The following ZNF333 variants were observed in gnomAD, a reference collection of about 807,000 sequenced individuals.
ZNF333 encodes the protein zinc finger protein 333.
ZNF333 carries 61 observed loss-of-function variants against 76.1 expected under a neutral mutation model. That is an observed-to-expected ratio of 0.80 (90% CI 0.65 to 0.99). ZNF333 has a LOEUF of 0.99. Among genes scored for constraint, ZNF333 ranks in the 50% least tolerant of loss-of-function variants. ZNF333 has a pLI of 0.00. For missense variants in ZNF333, 717 were observed against 822.4 expected (o/e 0.87, Z 1.57); for synonymous variants, 284 against 305.0 (o/e 0.93, Z 0.72).
At position 14,718,289 on chromosome 19, in the gene ZNF333, G is replaced by T. The variant is rs779488429; in HGVS notation, c.962G>T (p.Ser321Ile). ...KYNELEKPFN[S>I]IEPLFQYQRI... Reference sequence around the variant, plus strand: ...AATGAACTTGAGAAACCTTTTAACAGCATTGAACCACTTTTCCAGTACCAG... The same window carrying T: ...AATGAACTTGAGAAACCTTTTAACATCATTGAACCACTTTTCCAGTACCAG... The change falls in exon 12 of 12, where the codon AGC becomes ATC. Residue 321 changes from serine (S) to isoleucine (I), a missense_variant. Physicochemically the swap from Ser to Ile is moderately radical, Grantham distance 142. Transcript: ENST00000292530. The T allele has an allele frequency of 6.2e-7, 1 of 1,614,112 alleles. No homozygotes were observed. Among genetic ancestry groups the T allele is most frequent in the South Asian group, 1.1e-5 (1 of 91,084 alleles).
rs992097246 is a variant in ZNF333 at position 14,719,898 on chromosome 19, T to G, written c.*573T>G. The G allele has an allele frequency of 1.5e-5, 15 of 985,386 alleles. No individual in the cohort carries two copies. The highest frequency in any genetic ancestry group is 1.8e-5 in the Non-Finnish European group (15 of 830,110). The allele number at this position is 985,386 out of a possible 1,614,324, so 61.0% of individuals were successfully genotyped here. On this transcript the variant is annotated 3_prime_UTR_variant, in exon 12 of 12. Coordinates refer to ENST00000292530, the MANE Select transcript of ZNF333 (RefSeq NM_032433.4). ...AGTGTGCACTATTAAAAAGCTTCCA[T>G]CTCCCGGCTGGGCACGGTGGCTCAT...
At position 14,726,975 on chromosome 19, in the gene ZNF333, G is replaced by A. The variant is rs572233627; in HGVS notation, c.901-4200G>A. Among the ~76,000 whole-genome samples, 18 of 148,644 alleles carry A rather than the reference G, an allele frequency of 1.2e-4. No homozygotes were observed. In the South Asian group the frequency reaches 1.7e-3, roughly 14 times the overall value. On this transcript the variant is annotated intron_variant, in intron 11 of 11. Transcript: ENST00000540689. ...ATTTTCTGTATTAGCCTGTTCTTGC[G>A]TTGCTATAAAGGAATACCTGAGGCT...
Position 14,706,774 on chromosome 19 carries a change from G to A in ZNF333, c.511+1G>A, listed in dbSNP as rs201598326. 146 of 1,612,712 alleles carry A rather than the reference G, an allele frequency of 9.1e-5. No homozygotes were observed. Among genetic ancestry groups the A allele is most frequent in the Non-Finnish European group, 1.2e-4 (137 of 1,179,706 alleles). The stretch of plus-strand genomic sequence containing the variant: ...AACCCATGGGTGGCCAGGGATTCTG[G>A]TGAGTGAGTGCTGCGTGGAACACGT... On this transcript the variant is annotated splice_donor_variant, in intron 7 of 11. Coordinates refer to ENST00000292530, the MANE Select transcript of ZNF333 (RefSeq NM_032433.4). LOFTEE classifies it high-confidence loss of function.
intron 7 of ZNF333, among the ~76,000 whole-genome samples, chr19:14,713,738 G>A (rs1054177251): frequency 3.3e-5 from 5 of 152,038 alleles, no homozygotes; most frequent in East Asian, 1.9e-4. Flanking sequence ...TGGGAGGATC[G>A]CTTGAGGCTA....
At position 14,718,436 on chromosome 19, in the gene ZNF333, A is replaced by G. The variant is rs753335220; in HGVS notation, c.1109A>G (p.Lys370Arg). 4 of 1,614,106 alleles carry G rather than the reference A, an allele frequency of 2.5e-6. No individual in the cohort carries two copies. Among genetic ancestry groups the G allele is most frequent in the Non-Finnish European group, 3.4e-6 (4 of 1,180,060 alleles). Residue 370 changes from lysine to arginine, a missense_variant, in exon 12 of 12, where the codon AAA (lysine) becomes AGA (arginine). Physicochemically the swap from Lys to Arg is conservative, Grantham distance 26. Coordinates refer to ENST00000292530, the MANE Select transcript of ZNF333 (RefSeq NM_032433.4). ...GGGGATAAATCCTATGCATGTAACA[A>G]ATGTGAAAAATCCTTCAGATACAGC... ...RSGDKSYACN[K>R]CEKSFRYSSD...
chr19:14,702,931 G>A (rs984347816), intron 5 of ZNF333, among the ~76,000 whole-genome samples: 5 of 152,122 alleles, frequency 3.3e-5, no homozygotes, highest in South Asian at 2.1e-4. Context: ...GTGGCCGGGC[G>A]TGGTGGCTCA....
chr19:14,698,935 T>TAGATAGATAGATAGATATATATAC (rs1180611568), intron 4 of ZNF333, among the ~76,000 whole-genome samples: 1 of 139,332 alleles, frequency 7.2e-6, no homozygotes, highest in African/African-American at 2.8e-5. Context: ...TATATATATA[T>TAGATAGATAGATAGATATATATAC]ACACACATAT....
chr19:14,716,451 G>C (rs1221626009), intron 9 of ZNF333, among the ~76,000 whole-genome samples: 7 of 152,038 alleles, frequency 4.6e-5, no homozygotes, highest in Non-Finnish European at 7.4e-5. Context: ...TAGAGATGGA[G>C]TTTTGCCATG....
chr19:14,704,945 A>G (rs1366298308), intron 5 of ZNF333, 109 bp from the exon 6 acceptor site: 7 of 1,009,786 alleles, frequency 6.9e-6, no homozygotes, highest in Non-Finnish European at 8.9e-6. Flanking sequence ...ACCCATCCCC[A>G]TTTGCCTTGA....
At chr19:14,699,463 G>A (rs929821948) in intron 5 of ZNF333, 182 bp downstream of exon 5, 5 of 540,494 alleles carry the variant, frequency 9.3e-6, no homozygotes, top group Non-Finnish European at 1.3e-5. Flanking sequence ...TGTTGCTCAA[G>A]ACTTTTTTTT....
intron 11 of ZNF333, among the ~76,000 whole-genome samples, chr19:14,727,496 C>T (rs766502891): frequency 2.0e-5 from 3 of 152,120 alleles, no homozygotes; most frequent in Non-Finnish European, 2.9e-5. Flanking sequence ...AGAGTAGAGA[C>T]GTTCCATACT....
At chr19:14,715,212 C>G (rs185249297) in intron 7 of ZNF333, 170 bp from the exon 8 acceptor site, 4 of 589,868 alleles carry the variant, frequency 6.8e-6, no homozygotes, top group Non-Finnish European at 1.2e-5. Context: ...TGCATGCATG[C>G]GTGTGCAAGA....
chr19:14,712,225 GTTTT>G (rs113959603), intron 7 of ZNF333, among the ~76,000 whole-genome samples: 4 of 143,956 alleles, frequency 2.8e-5, no homozygotes, highest in Non-Finnish European at 4.6e-5. Flanking sequence ...GGTGATGAGT[GTTTT>G]TTTTTTTTAA....
Position 14,720,236 on chromosome 19 carries a change from G to A in ZNF333, c.*911G>A, listed in dbSNP as rs1479152321. The A allele has an allele frequency of 7.1e-6, 7 of 985,252 alleles. No homozygotes were observed. Among genetic ancestry groups the A allele is most frequent in the Non-Finnish European group, 8.4e-6 (7 of 829,926 alleles). The allele number at this position is 985,252 out of a possible 1,614,324, so 61.0% of individuals were successfully genotyped here. On this transcript the variant is annotated 3_prime_UTR_variant, in exon 12 of 12. Coordinates refer to ENST00000292530, the MANE Select transcript of ZNF333 (RefSeq NM_032433.4). The stretch of plus-strand genomic sequence containing the variant: ...TTCCATCTCCCAGCCCTTCTTGCAA[G>A]CAAGGGCAGGCCATTTCCTCCGGTC...
downstream of ZNF333, among the ~76,000 whole-genome samples, chr19:14,722,176 T>C (rs2042597245): frequency 6.6e-6 from 1 of 152,270 alleles, no homozygotes; most frequent in South Asian, 2.1e-4. Flanking sequence ...TGATAAGTAA[T>C]GATGCAGTGG....
At position 14,719,221 on chromosome 19, in the gene ZNF333, T is replaced by C; in HGVS notation, c.1894T>C (p.Ser632Pro). The change falls in exon 12 of 12, where the codon TCA (serine) becomes CCA (proline). Residue 632 changes from serine (S) to proline (P), a missense_variant. Coordinates refer to ENST00000292530, the MANE Select transcript of ZNF333 (RefSeq NM_032433.4). The part of the protein sequence containing the change: ...QCEKAFRHSS[S>P]LTVHKRTHVG... ...TGAGAAAGCCTTCAGGCACAGCTCC[T>C]CACTCACTGTACACAAAAGAACCCA... The C allele has an allele frequency of 6.2e-7, 1 of 1,614,208 alleles. No homozygotes were observed. The highest frequency in any genetic ancestry group is 1.7e-5 in the Admixed American group (1 of 60,030).
intron 1 of ZNF333, among the ~76,000 whole-genome samples, chr19:14,691,887 G>A (rs1367229397): frequency 6.6e-6 from 1 of 152,072 alleles, no homozygotes; most frequent in Non-Finnish European, 1.5e-5. Context: ...ATGTTGGCCA[G>A]GCTGGTCTGG....
chr19:14,695,585 CA>C lies in ZNF333; in HGVS notation c.148del (p.Ser50ValfsTer59). The C allele has an allele frequency of 6.2e-7, 1 of 1,614,162 alleles. No individual in the cohort carries two copies. The highest frequency in any genetic ancestry group is 8.5e-7 in the Non-Finnish European group (1 of 1,180,028). On this transcript the variant is annotated frameshift_variant, in exon 4 of 12. Coordinates refer to ENST00000292530, the MANE Select transcript of ZNF333 (RefSeq NM_032433.4). LOFTEE classifies it high-confidence loss of function. The stretch of plus-strand genomic sequence containing the variant: ...GTGCAGGAACTCCACCATGCAAACC[CA>C]GTTGTGTCTCCCAGCTGGGGCAAAG... Reference protein sequence around the residue: ...ASRGTPPCKPSCVSQLGQRAE... With the variant: ...ASRGTPPCKPXCVSQLGQRAE...
At chr19:14,689,971 C>T (rs1048445355), upstream of ZNF333, 5 of 152,380 alleles carry the variant, frequency 3.3e-5, no homozygotes, top group Admixed American at 2.0e-4. Flanking sequence ...GTTAGTTTCT[C>T]TGCCGCCGCC....
Sources: allele counts gnomAD v4.1 joint callset (sites outside exome capture counted in the v4.1 genomes callset), GRCh38; gene constraint gnomAD v4.1.1; transcripts MANE v1.5; gene names NCBI Gene and HGNC (gene_info 2026-07-23, HGNC 2026-07-21).